PSPC1: variants seen among roughly 807,000 people sequenced by gnomAD.
PSPC1 encodes paraspeckle protein 1.
PSPC1 carries 14 observed loss-of-function variants against 51.6 expected under a neutral mutation model. The ratio of observed to expected loss-of-function variants is 0.27; its 90% CI spans 0.18 to 0.42. The LOEUF (loss-of-function observed/expected upper bound fraction) is 0.42. Ranked by LOEUF, PSPC1 falls within the 10% of genes least tolerant of loss-of-function variation. PSPC1 has a pLI of 1.00. For missense variants in PSPC1, 406 were observed against 701.1 expected, an observed-to-expected ratio of 0.58 and a Z score of 4.75; for synonymous variants, 193 against 231.9, an observed-to-expected ratio of 0.83 and a Z score of 1.53.
chr13:19,728,626 G>A (rs933889063), intron 6 of PSPC1, among the ~76,000 whole-genome samples: 8 of 152,092 alleles, frequency 5.3e-5, no homozygotes, highest in Non-Finnish European at 8.8e-5. Flanking sequence ...ATTTGAGATA[G>A]GTAGAGCTTT....
At chr13:19,778,115 G>C (rs369775020) in intron 1 of PSPC1, among the ~76,000 whole-genome samples, 1 of 146,386 alleles carries the variant, frequency 6.8e-6, no homozygotes, top group South Asian at 2.2e-4. Flanking sequence ...GGTTGCATGC[G>C]CCTGTAGTCC....
At position 19,723,083 on chromosome 13, in the gene PSPC1, C is replaced by A. The variant is rs1882968090; in HGVS notation, c.1158+7156G>T. On this transcript the variant is annotated intron_variant, in intron 6 of 8. Transcript: ENST00000338910. Reference sequence around the variant, plus strand: ...TCAAGATCACGCCACTGCACTCCAGCCTGGGCAACAGAGCAAGACTCCCTC... The same window carrying A: ...TCAAGATCACGCCACTGCACTCCAGACTGGGCAACAGAGCAAGACTCCCTC... Among the ~76,000 whole-genome samples, 2 of 152,296 alleles carry A rather than the reference C, an allele frequency of 1.3e-5. 1 individual carries two copies. Among genetic ancestry groups the A allele is most frequent in the South Asian group, 4.1e-4 (2 of 4,830 alleles).
At chr13:19,745,804 A>G (rs1038659888) in intron 4 of PSPC1, among the ~76,000 whole-genome samples, 4 of 151,986 alleles carry the variant, frequency 2.6e-5, no homozygotes, top group African/African-American at 9.7e-5. Flanking sequence ...TATTTCCAAT[A>G]GAGATGGGGT....
chr13:19,758,394 C>A (rs1235261537), intron 3 of PSPC1, among the ~76,000 whole-genome samples: 1 of 151,268 alleles, frequency 6.6e-6, no homozygotes. Flanking sequence ...AATAAACATA[C>A]ATTTTGAAAA....
chr13:19,702,529 G>GA lies in PSPC1; in HGVS notation c.*645dup, dbSNP rs1418233904. 1 of 151,928 alleles carries GA rather than the reference G, an allele frequency of 6.6e-6. No homozygotes were observed. The highest frequency in any genetic ancestry group is 1.9e-4 in the East Asian group (1 of 5,194). 9.4% of individuals were successfully genotyped at this position (151,928 alleles called of 1,614,324 possible). A position where few individuals can be genotyped will look rare whatever the true frequency, so the allele number is the denominator to read the frequency against. On this transcript the variant is annotated 3_prime_UTR_variant, in exon 9 of 9. Coordinates refer to ENST00000338910, the MANE Select transcript of PSPC1 (RefSeq NM_001354909.2). Reference sequence around the variant, plus strand: ...TTTCAAGATGAAAAAGATTTATTTGGAAAAATCAGCACAGGACAAAGATAT... The same window carrying GA: ...TTTCAAGATGAAAAAGATTTATTTGGAAAAAATCAGCACAGGACAAAGATAT...
chr13:19,679,625 G>T (rs1452098556), intron 6 of PSPC1, among the ~76,000 whole-genome samples: 2 of 152,144 alleles, frequency 1.3e-5, no homozygotes, highest in African/African-American at 4.8e-5. Flanking sequence ...ACTGTATGAG[G>T]TATTATAAGC....
chr13:19,681,508 G>A (rs969319665), intron 6 of PSPC1, among the ~76,000 whole-genome samples: 5 of 152,062 alleles, frequency 3.3e-5, no homozygotes, highest in African/African-American at 1.2e-4. Flanking sequence ...TACAACATAC[G>A]AATTGTAAAA....
At chr13:19,741,357 T>G (rs963874751) in intron 5 of PSPC1, among the ~76,000 whole-genome samples, 3 of 152,184 alleles carry the variant, frequency 2.0e-5, no homozygotes, top group Non-Finnish European at 4.4e-5. Flanking sequence ...TTGTTTAACT[T>G]CAAAGTTTAG....
At chr13:19,746,317 A>C (rs1885974810) in intron 4 of PSPC1, among the ~76,000 whole-genome samples, 1 of 151,672 alleles carries the variant, frequency 6.6e-6, no homozygotes, top group African/African-American at 2.4e-5. Context: ...CAGGAGAATC[A>C]CTTGAAACAC....
chr13:19,679,471 G>T (rs1371421665), intron 6 of PSPC1, among the ~76,000 whole-genome samples: 1 of 152,150 alleles, frequency 6.6e-6, no homozygotes, highest in Admixed American at 6.5e-5. Flanking sequence ...GCTCCAGCCT[G>T]GGCTACAGAG....
chr13:19,715,082 A>G (rs1881934862), intron 6 of PSPC1, among the ~76,000 whole-genome samples: 1 of 152,048 alleles, frequency 6.6e-6, no homozygotes, highest in Non-Finnish European at 1.5e-5. Context: ...ATTTGCAAAA[A>G]TGTACAAGAA....
chr13:19,686,572 T>C (rs766378463), intron 6 of PSPC1, among the ~76,000 whole-genome samples: 2 of 152,212 alleles, frequency 1.3e-5, no homozygotes, highest in Non-Finnish European at 2.9e-5. Flanking sequence ...AGAAGTTGGA[T>C]GGCTGTTAGA....
Position 19,741,657 on chromosome 13 carries a change from A to G in PSPC1, c.968-8T>C, listed in dbSNP as rs1475357339. 1 of 1,539,760 alleles carries G rather than the reference A, an allele frequency of 6.5e-7. No homozygotes were observed. Among genetic ancestry groups the G allele is most frequent in the South Asian group, 1.2e-5 (1 of 84,728 alleles). On this transcript the variant is annotated splice_region_variant and splice_polypyrimidine_tract_variant and intron_variant, in intron 4 of 8. Transcript: ENST00000338910. ...CTTGACGCCTCATTAGATCTATAAA[A>G]TAATGACTGCACATTAATATTTTTA...
At position 19,782,008 on chromosome 13, in the gene PSPC1, C is replaced by T. The variant is rs1185149859; in HGVS notation, c.372+378G>A. ...GCCTTGAAGAATTCTCACCCCAAAA[C>T]GCTGCCCGCCCCTGTCCCCGGACCC... is the stretch of plus-strand genomic sequence containing the variant. On this transcript the variant is annotated intron_variant, in intron 1 of 8. Transcript: ENST00000338910. This position sits in a 1 kb window ranked among gnomAD's most constrained non-coding sequence, Gnocchi z 4.5. Among the ~76,000 whole-genome samples the T allele has an allele frequency of 3.3e-5, 5 of 152,216 alleles. No individual in the cohort carries two copies. The highest frequency in any genetic ancestry group is 4.8e-5 in the African/African-American group (2 of 41,466).
chr13:19,743,564 T>C (rs1228015397), intron 4 of PSPC1, among the ~76,000 whole-genome samples: 4 of 152,178 alleles, frequency 2.6e-5, no homozygotes, highest in Non-Finnish European at 5.9e-5. Flanking sequence ...AACCTCTCCT[T>C]ATTCCAAAGC....
At chr13:19,725,441 C>A (rs1432419190) in intron 6 of PSPC1, among the ~76,000 whole-genome samples, 3 of 152,040 alleles carry the variant, frequency 2.0e-5, no homozygotes, top group African/African-American at 4.8e-5. Flanking sequence ...GTAATATGAG[C>A]CACTTTTATA....
intron 6 of PSPC1, among the ~76,000 whole-genome samples, chr13:19,682,486 C>CAAAAAAAAAA (rs138769031): frequency 1.0e-5 from 1 of 98,616 alleles, no homozygotes; most frequent in Non-Finnish European, 2.0e-5. Flanking sequence ...GGCTGAATGG[C>CAAAAAAAAAA]AAAAAAAAAA....
chr13:19,693,386 A>G (rs150796001), intron 6 of PSPC1, among the ~76,000 whole-genome samples: 14 of 152,312 alleles, frequency 9.2e-5, no homozygotes, highest in African/African-American at 3.1e-4. Flanking sequence ...TTAAACTACA[A>G]AAGGACCATA....
intron 6 of PSPC1, among the ~76,000 whole-genome samples, chr13:19,717,851 G>T (rs1461965866): frequency 2.0e-5 from 3 of 151,144 alleles, no homozygotes; most frequent in Non-Finnish European, 4.4e-5. Flanking sequence ...ACTCCAGCGT[G>T]GGCGACAGAG....
Sources: gnomAD v4.1 joint callset for allele counts (sites outside exome capture counted in the v4.1 genomes callset) on GRCh38, gnomAD v4.1.1 for gene constraint, Gnocchi (gnomAD v3.1) non-coding constraint, MANE v1.5 for transcripts, NCBI Gene and HGNC (gene_info 2026-07-23, HGNC 2026-07-21) for gene names.